The following KIF13A variants were observed in gnomAD, a reference collection of about 807,000 sequenced individuals.
KIF13A encodes the protein kinesin family member 13A, also known as kinesin-like protein KIF13A.
In KIF13A, 79 loss-of-function variants were observed where a neutral mutation model predicts 212.2. The ratio of observed to expected loss-of-function variants is 0.37; its 90% confidence interval spans 0.31 to 0.45. The LOEUF is 0.45. KIF13A is among the 20% of genes least tolerant of loss of function. KIF13A has a pLI of 1.00. For missense variants in KIF13A, 1,901 were observed against 2,209.0 expected, an observed-to-expected ratio of 0.86 and a Z score of 2.79; for synonymous variants, 789 against 808.6, an observed-to-expected ratio of 0.98 and a Z score of 0.41.
At chr6:17,933,100 T>C (rs997857408) in intron 2 of KIF13A, among the ~76,000 whole-genome samples, 3 of 152,164 alleles carry the variant, frequency 2.0e-5, no homozygotes, top group Non-Finnish European at 4.4e-5. Context: ...TCCTTGAACC[T>C]TCCTGGGCCC....
At chr6:17,780,495 G>T (rs1343934068) in intron 31 of KIF13A, among the ~76,000 whole-genome samples, 1 of 152,208 alleles carries the variant, frequency 6.6e-6, no homozygotes, top group African/African-American at 2.4e-5. Flanking sequence ...CAGCTCCACT[G>T]CCTGGTAGGA....
In KIF13A at chr6:17,875,583, T is replaced by A. The variant is rs187144266; in HGVS notation, c.160-2146A>T. The stretch of plus-strand genomic sequence containing the variant: ...AATTCTCCTGCCTCAGCCTCCCAAG[T>A]AGCTGGGACTACAGGCACGCACCAC... On this transcript the variant is annotated intron_variant, in intron 3 of 38. Transcript: ENST00000259711. 1.2e-3 allele frequency among the ~76,000 whole-genome samples: 175 copies of A among 151,938 alleles called. 1 individual carries two copies. Among genetic ancestry groups the A allele is most frequent in the African/African-American group, 4.1e-3 (168 of 41,436 alleles).
chr6:17,874,193 T>A (rs1311404867), intron 3 of KIF13A, among the ~76,000 whole-genome samples: 3 of 152,044 alleles, frequency 2.0e-5, no homozygotes, highest in Non-Finnish European at 2.9e-5. Context: ...ATACTGAAGT[T>A]CAAAACTCTC....
chr6:17,854,727 A>C (rs1252666296), intron 6 of KIF13A, among the ~76,000 whole-genome samples: 1 of 148,674 alleles, frequency 6.7e-6, no homozygotes, highest in African/African-American at 2.5e-5. Flanking sequence ...TAATTTTTGT[A>C]TTTTTAGTAG....
intron 2 of KIF13A, among the ~76,000 whole-genome samples, chr6:17,975,360 G>A (rs532027458): frequency 5.8e-4 from 89 of 152,138 alleles, no homozygotes; most frequent in African/African-American, 1.6e-3. Flanking sequence ...ATGAAGCTGC[G>A]GACCCTCACA....
chr6:17,978,880 A>C (rs1780817417), intron 2 of KIF13A, among the ~76,000 whole-genome samples: 1 of 152,232 alleles, frequency 6.6e-6, no homozygotes, highest in Non-Finnish European at 1.5e-5. Context: ...TAAACTAGCT[A>C]TTTTGGTACT....
chr6:17,939,895 C>G (rs576887470), intron 2 of KIF13A, among the ~76,000 whole-genome samples: 1 of 151,868 alleles, frequency 6.6e-6, no homozygotes, highest in Non-Finnish European at 1.5e-5. Context: ...AAAAAATTAG[C>G]TGGGCGTGGT....
At position 17,833,014 on chromosome 6, in the gene KIF13A, C is replaced by CAAAAAAAAAA. The variant is rs61281213; in HGVS notation, c.1266+937_1266+946dup. Among the ~76,000 whole-genome samples, 139 of 75,382 alleles carry CAAAAAAAAAA rather than the reference C, an allele frequency of 1.8e-3. 12 individuals carry two copies. Among genetic ancestry groups the CAAAAAAAAAA allele is most frequent in the African/African-American group, 8.9e-3 (132 of 14,788 alleles). 49.5% of individuals were successfully genotyped at this position (75,382 alleles called of 152,430 possible). On this transcript the variant is annotated intron_variant, in intron 12 of 38. Transcript: ENST00000259711. The stretch of plus-strand genomic sequence containing the variant: ...GGGCGACAGAGAGAGACTCTGTCTG[C>CAAAAAAAAAA]AAAAAAAAAAAAAAAAAAAAAAAAA...
chr6:17,835,050 C>T (rs141953068), intron 11 of KIF13A, among the ~76,000 whole-genome samples: 13 of 151,690 alleles, frequency 8.6e-5, no homozygotes, highest in Admixed American at 4.6e-4. Context: ...GGTATAATGG[C>T]GCATGCCTGT....
At chr6:17,949,180 G>A (rs920888479) in intron 2 of KIF13A, among the ~76,000 whole-genome samples, 6 of 152,092 alleles carry the variant, frequency 3.9e-5, no homozygotes, top group African/African-American at 1.2e-4. Flanking sequence ...GGGTCAAAAA[G>A]GCACTTTTCA....
chr6:17,965,103 T>C (rs1779183505), intron 2 of KIF13A, among the ~76,000 whole-genome samples: 1 of 152,154 alleles, frequency 6.6e-6, no homozygotes, highest in African/African-American at 2.4e-5. Context: ...GCGCTGAGAT[T>C]AAGGCATGAG....
At chr6:17,878,852 AAG>A (rs1770806042) in intron 3 of KIF13A, among the ~76,000 whole-genome samples, 1 of 152,218 alleles carries the variant, frequency 6.6e-6, no homozygotes, top group Admixed American at 6.5e-5. Flanking sequence ...TGCAGATGAA[AAG>A]AGTCCTAACA....
chr6:17,963,560 A>G lies in KIF13A; in HGVS notation c.146+23494T>C, dbSNP rs952218289. On this transcript the variant is annotated intron_variant, in intron 2 of 38. Transcript: ENST00000259711. This position sits in a 1 kb window ranked among gnomAD's most constrained non-coding sequence, Gnocchi z 4.1. ...GAGATTTGTAGGATAGATTTGTTCTATATCTTTCTTTTTTTGAGACAGAGT... is the reference window on the plus strand; with the variant it reads ...GAGATTTGTAGGATAGATTTGTTCTGTATCTTTCTTTTTTTGAGACAGAGT... Among the ~76,000 whole-genome samples the G allele has an allele frequency of 2.0e-5, 3 of 152,200 alleles. No individual in the cohort carries two copies. The highest frequency in any genetic ancestry group is 4.8e-5 in the African/African-American group (2 of 41,470).
At chr6:17,909,520 G>A (rs372296497) in intron 2 of KIF13A, among the ~76,000 whole-genome samples, 1 of 148,772 alleles carries the variant, frequency 6.7e-6, no homozygotes, top group Non-Finnish European at 1.5e-5. Flanking sequence ...GGGCAACAGA[G>A]TGAGACTCTG....
intron 2 of KIF13A, among the ~76,000 whole-genome samples, chr6:17,936,713 A>C (rs1776500251): frequency 6.6e-6 from 1 of 152,256 alleles, no homozygotes; most frequent in South Asian, 2.1e-4. Flanking sequence ...CATAAAAGTC[A>C]GTAATGCAAC....
intron 2 of KIF13A, among the ~76,000 whole-genome samples, chr6:17,924,961 G>T (rs985823463): frequency 1.3e-5 from 2 of 152,148 alleles, no homozygotes; most frequent in African/African-American, 4.8e-5. Context: ...TATCTAAAAA[G>T]ACAGGAGACA....
Position 17,968,053 on chromosome 6 carries a change from C to A in KIF13A, c.146+19001G>T, listed in dbSNP as rs980971482. Reference sequence around the variant, plus strand: ...GAGAATTGCCCACAATGCTGAGAACCCCTGGGGGACTGACAAACGTAGGCA... The same window carrying A: ...GAGAATTGCCCACAATGCTGAGAACACCTGGGGGACTGACAAACGTAGGCA... On this transcript the variant is annotated intron_variant, in intron 2 of 38. Coordinates refer to ENST00000259711, the MANE Select transcript of KIF13A (RefSeq NM_022113.6). The surrounding 1 kb of genome is among the most constrained non-coding windows in gnomAD (Gnocchi z 4.7). 6.6e-6 allele frequency among the ~76,000 whole-genome samples: 1 copy of A among 152,116 alleles called. No individual in the cohort carries two copies. Among genetic ancestry groups the A allele is most frequent in the African/African-American group, 2.4e-5 (1 of 41,414 alleles).
chr6:17,794,965 C>T lies in KIF13A; in HGVS notation c.2943-261G>A. On this transcript the variant is annotated intron_variant, in intron 23 of 38. Transcript: ENST00000259711. The surrounding 1 kb of genome is among the most constrained non-coding windows in gnomAD (Gnocchi z 4.1). Reference sequence around the variant, plus strand: ...TGAGAAATGCACATATGAGTGTAACCTGCCCTATCACCTCAGAAAGTTTGC... The same window carrying T: ...TGAGAAATGCACATATGAGTGTAACTTGCCCTATCACCTCAGAAAGTTTGC... 2.7e-6 allele frequency: 1 copy of T among 372,712 alleles called. No individual in the cohort carries two copies. Among genetic ancestry groups the T allele is most frequent in the Non-Finnish European group, 4.8e-6 (1 of 208,154 alleles). 23.1% of individuals were successfully genotyped at this position (372,712 alleles called of 1,614,324 possible).
intron 4 of KIF13A, among the ~76,000 whole-genome samples, chr6:17,859,182 C>T (rs1768451099): frequency 6.6e-6 from 1 of 151,994 alleles, no homozygotes; most frequent in South Asian, 2.1e-4. Flanking sequence ...GTTGGAAAAA[C>T]AAGGATGACT....
Sources: allele counts gnomAD v4.1 joint callset (sites outside exome capture counted in the v4.1 genomes callset), GRCh38; gene constraint gnomAD v4.1.1; non-coding constraint Gnocchi (gnomAD v3.1); transcripts MANE v1.5; gene names NCBI Gene and HGNC (gene_info 2026-07-23, HGNC 2026-07-21).